Variants in GALNT14 observed in about 807,000 individuals in gnomAD.
GALNT14 encodes the protein UDP-GalNAc:polypeptide N-acetylgalactosaminyltransferase 14.
GALNT14 carries 60 observed loss-of-function variants against 77.5 expected under a neutral mutation model. That is an observed-to-expected ratio of 0.77 (90% confidence interval 0.63 to 0.96). The LOEUF (loss-of-function observed/expected upper bound fraction) is 0.96. Ranked by LOEUF, GALNT14 falls within the 40% of genes least tolerant of loss-of-function variation. GALNT14 has a pLI of 0.00. For missense variants in GALNT14, 710 were observed against 731.0 expected, an observed-to-expected ratio of 0.97 and a Z score of 0.33; for synonymous variants, 280 against 281.7, an observed-to-expected ratio of 0.99 and a Z score of 0.06.
At chr2:31,035,017 T>C (rs139988095) in intron 1 of GALNT14, among the ~76,000 whole-genome samples, 1 of 152,346 alleles carries the variant, frequency 6.6e-6, no homozygotes, top group South Asian at 2.1e-4. Flanking sequence ...GTCTAACATA[T>C]GGCCTATCCT....
chr2:31,010,139 C>T (rs981208752), intron 1 of GALNT14, among the ~76,000 whole-genome samples: 1 of 152,204 alleles, frequency 6.6e-6, no homozygotes, highest in Non-Finnish European at 1.5e-5. Context: ...GAGCCCACCA[C>T]CACATCTGCC....
intron 1 of GALNT14, among the ~76,000 whole-genome samples, chr2:31,052,935 G>T (rs1673975899): frequency 6.6e-6 from 1 of 152,172 alleles, no homozygotes; most frequent in African/African-American, 2.4e-5. Flanking sequence ...AAAAGGAGGA[G>T]AGCCGTGAGG....
At chr2:31,056,802 C>T (rs1260890637) in intron 1 of GALNT14, among the ~76,000 whole-genome samples, 1 of 152,128 alleles carries the variant, frequency 6.6e-6, no homozygotes, top group Non-Finnish European at 1.5e-5. Flanking sequence ...GCTGCAGTTT[C>T]AAGGTAGTGA....
intron 1 of GALNT14, among the ~76,000 whole-genome samples, chr2:31,100,574 T>C (rs962512161): frequency 6.6e-6 from 1 of 152,006 alleles, no homozygotes; most frequent in East Asian, 1.9e-4. Flanking sequence ...TTGGTAAGTA[T>C]CACCTGTGCA....
Position 30,944,955 on chromosome 2 carries a change from A to G in GALNT14, c.743-13T>C, listed in dbSNP as rs201925273. On this transcript the variant is annotated splice_polypyrimidine_tract_variant and intron_variant, in intron 7 of 14. Coordinates refer to ENST00000349752, the MANE Select transcript of GALNT14 (RefSeq NM_024572.4). ...CTCCAGTCAAACCCTACAACACAGCACCAACCCACCTGCTTTGGTCTCTCA... is the reference window on the plus strand; with the variant it reads ...CTCCAGTCAAACCCTACAACACAGCGCCAACCCACCTGCTTTGGTCTCTCA... The G allele has an allele frequency of 1.9e-3, 3,035 of 1,590,314 alleles. 13 individuals are homozygous for G. The highest frequency in any genetic ancestry group is 4.6e-3 in the Admixed American group (263 of 57,346).
chr2:30,975,234 G>A (rs1668565943), intron 2 of GALNT14, among the ~76,000 whole-genome samples: 1 of 152,222 alleles, frequency 6.6e-6, no homozygotes, highest in Non-Finnish European at 1.5e-5. Flanking sequence ...TGTTTAAAAG[G>A]CTGGGATGTT....
At chr2:31,085,208 A>G (rs1233024437) in intron 1 of GALNT14, among the ~76,000 whole-genome samples, 1 of 152,094 alleles carries the variant, frequency 6.6e-6, no homozygotes, top group Non-Finnish European at 1.5e-5. Context: ...CTAACTAGAA[A>G]TCTGACTCGA....
intron 1 of GALNT14, among the ~76,000 whole-genome samples, chr2:31,101,878 C>G (rs776098089): frequency 6.6e-6 from 1 of 151,988 alleles, no homozygotes; most frequent in Non-Finnish European, 1.5e-5. Context: ...GTTCTTGTGA[C>G]AGTGAATTAG....
chr2:30,988,190 A>G (rs980450696), intron 2 of GALNT14, among the ~76,000 whole-genome samples: 1 of 152,178 alleles, frequency 6.6e-6, no homozygotes, highest in Non-Finnish European at 1.5e-5. Context: ...TTGAATTCCT[A>G]TCACACACAA....
intron 2 of GALNT14, among the ~76,000 whole-genome samples, chr2:30,985,268 A>G (rs962251781): frequency 6.6e-6 from 1 of 152,226 alleles, no homozygotes; most frequent in Non-Finnish European, 1.5e-5. Context: ...AATTCTCATC[A>G]GTGTTGTTGA....
chr2:31,010,476 G>A (rs369436875), intron 1 of GALNT14, among the ~76,000 whole-genome samples: 2,966 of 152,276 alleles, frequency 0.019, 103 homozygotes, highest in African/African-American at 0.068. Flanking sequence ...TTAGCCGGGC[G>A]GGGTGGTGAG....
chr2:30,920,615 T>C (rs1489989261), intron 13 of GALNT14, among the ~76,000 whole-genome samples: 3 of 148,626 alleles, frequency 2.0e-5, no homozygotes, highest in Non-Finnish European at 4.4e-5. Flanking sequence ...AAGTCAGTCC[T>C]ATGAGAGTGT....
chr2:30,912,718 A>G (rs1355009168), intron 13 of GALNT14, among the ~76,000 whole-genome samples: 1 of 152,182 alleles, frequency 6.6e-6, no homozygotes, highest in African/African-American at 2.4e-5. Context: ...TGACATTTCA[A>G]GCAGCCATCT....
At chr2:31,012,991 C>A (rs1013793092) in intron 1 of GALNT14, among the ~76,000 whole-genome samples, 13 of 152,136 alleles carry the variant, frequency 8.5e-5, no homozygotes, top group African/African-American at 2.9e-4. Context: ...TTTTGCAGAA[C>A]CAATAAATAC....
chr2:31,137,731 C>A (rs1238295143), intron 1 of GALNT14, among the ~76,000 whole-genome samples: 1 of 152,152 alleles, frequency 6.6e-6, no homozygotes, highest in East Asian at 1.9e-4. Flanking sequence ...CGAGCGCGCG[C>A]CCACCACCCA....
intron 1 of GALNT14, among the ~76,000 whole-genome samples, chr2:31,001,269 G>A (rs778427845): frequency 5.9e-5 from 9 of 151,944 alleles, no homozygotes; most frequent in Non-Finnish European, 1.2e-4. Context: ...ATTCTACAAG[G>A]GTTCTGATGC....
intron 1 of GALNT14, among the ~76,000 whole-genome samples, chr2:31,034,598 T>A (rs891278728): frequency 5.3e-5 from 8 of 152,134 alleles, no homozygotes; most frequent in African/African-American, 1.9e-4. Flanking sequence ...TCTGCTCTAA[T>A]CTTTATTAAT....
rs185313848 is a variant in GALNT14 at position 31,064,687 on chromosome 2, A to G, written c.130-71680T>C. On this transcript the variant is annotated intron_variant, in intron 1 of 14. Transcript: ENST00000349752. ...ATCATCCTATTGGATCTCGCCAGAC[A>G]CAAGTGCACCTGAGATAGACAACAG... Among the ~76,000 whole-genome samples the G allele has an allele frequency of 1.5e-3, 223 of 152,214 alleles. 6 individuals carry two copies. The East Asian group carries it at 0.023, about 16-fold the overall frequency.
In GALNT14 at chr2:30,917,000, C is replaced by G. The variant is rs542653111; in HGVS notation, c.1381-4658G>C. On this transcript the variant is annotated intron_variant, in intron 13 of 14. Coordinates refer to ENST00000349752, the MANE Select transcript of GALNT14 (RefSeq NM_024572.4). Reference sequence around the variant, plus strand: ...GCTGAAGAAGGAGAATTGCTGGAGCCTGGGAGACAGAGGTTGCAGTGAGCT... The same window carrying G: ...GCTGAAGAAGGAGAATTGCTGGAGCGTGGGAGACAGAGGTTGCAGTGAGCT... Among the ~76,000 whole-genome samples the G allele has an allele frequency of 2.2e-4, 32 of 142,608 alleles. No homozygotes were observed. The South Asian group carries it at 5.8e-3, about 26-fold the overall frequency. 93.6% of individuals were successfully genotyped at this position (142,608 alleles called of 152,430 possible).
Sources: gnomAD v4.1 joint callset for allele counts (sites outside exome capture counted in the v4.1 genomes callset) on GRCh38, gnomAD v4.1.1 for gene constraint, MANE v1.5 for transcripts, NCBI Gene and HGNC (gene_info 2026-07-23, HGNC 2026-07-21) for gene names.